FUT8: variants seen among roughly 807,000 people sequenced by gnomAD.
FUT8 encodes the protein fucosyltransferase 8.
A neutral mutation model predicts 71.3 loss-of-function variants in FUT8; 29 were observed. The ratio of observed to expected loss-of-function variants is 0.41; its 90% confidence interval spans 0.30 to 0.55. The LOEUF (loss-of-function observed/expected upper bound fraction) is 0.55. Among genes scored for constraint, FUT8 ranks in the 20% least tolerant of loss-of-function variants. The pLI is 0.34. For synonymous variants in FUT8, 254 were observed against 239.3 expected, an observed-to-expected ratio of 1.06 and a Z score of -0.57; for missense variants, 544 against 702.1, an observed-to-expected ratio of 0.77 and a Z score of 2.55.
chr14:65,637,941 A>G (rs1417246559), intron 6 of FUT8, among the ~76,000 whole-genome samples: 1 of 152,108 alleles, frequency 6.6e-6, no homozygotes, highest in African/African-American at 2.4e-5. Flanking sequence ...TCTTGGTATT[A>G]CTCATGAGTG....
intron 2 of FUT8, among the ~76,000 whole-genome samples, chr14:65,480,789 T>C (rs1450432028): frequency 6.6e-6 from 1 of 151,988 alleles, no homozygotes; most frequent in African/African-American, 2.4e-5. Context: ...TGGGTTCAAA[T>C]GATTCTCCTA....
the FUT8 span, among the ~76,000 whole-genome samples, chr14:65,403,196 G>A: frequency 6.6e-6 from 1 of 152,102 alleles, no homozygotes; most frequent in South Asian, 2.1e-4. Context: ...CTGTTCTTAG[G>A]AGTATTATAT....
At chr14:65,381,761 A>G in the FUT8 span, among the ~76,000 whole-genome samples, 7 of 152,234 alleles carry the variant, frequency 4.6e-5, no homozygotes, top group South Asian at 1.5e-3. Context: ...TGTTCTTCCA[A>G]TAACTTCTTC....
intron 1 of FUT8, among the ~76,000 whole-genome samples, chr14:65,430,510 T>C (rs1287662810): frequency 1.3e-5 from 2 of 152,182 alleles, no homozygotes; most frequent in African/African-American, 2.4e-5. Context: ...CATATTTTCC[T>C]GGGGAATTTT....
Position 65,413,961 on chromosome 14 carries a change from A to G in FUT8, c.-326+747A>G, listed in dbSNP as rs1180775651. Among the ~76,000 whole-genome samples the G allele has an allele frequency of 1.3e-5, 2 of 152,200 alleles. No individual in the cohort carries two copies. The highest frequency in any genetic ancestry group is 4.8e-5 in the African/African-American group (2 of 41,460). ...AGTGTATTTCTTAAGTGGCAGTGTC[A>G]TGCTTAGGGTTTGTCCCGGATGAGC... is the stretch of plus-strand genomic sequence containing the variant. On this transcript the variant is annotated intron_variant, in intron 1 of 10. Transcript: ENST00000673929. The surrounding 1 kb of genome is among the most constrained non-coding windows in gnomAD (Gnocchi z 4.1).
intron 2 of FUT8, among the ~76,000 whole-genome samples, chr14:65,521,913 A>T (rs760530396): frequency 5.3e-5 from 8 of 151,538 alleles, no homozygotes; most frequent in African/African-American, 1.9e-4. Flanking sequence ...ATTTCAAGCT[A>T]CAGAGGTCTT....
chr14:65,361,288 G>A, the FUT8 span, among the ~76,000 whole-genome samples: 5 of 149,862 alleles, frequency 3.3e-5, no homozygotes, highest in Non-Finnish European at 5.9e-5. Flanking sequence ...CCTGGGAGGC[G>A]GAGGTTGTGG....
chr14:65,496,939 A>T (rs550400673), intron 2 of FUT8, among the ~76,000 whole-genome samples: 60 of 152,242 alleles, frequency 3.9e-4, no homozygotes, highest in African/African-American at 1.4e-3. Flanking sequence ...TACCCCTGTG[A>T]CATTGGGCAA....
intron 2 of FUT8, among the ~76,000 whole-genome samples, chr14:65,464,306 TAG>T (rs2066010445): frequency 7.8e-6 from 1 of 128,946 alleles, no homozygotes; most frequent in Non-Finnish European, 1.6e-5. Flanking sequence ...CATCTGCAAA[TAG>T]AGAGTTTTAT....
At chr14:65,387,727 T>C in the FUT8 span, among the ~76,000 whole-genome samples, 2 of 152,228 alleles carry the variant, frequency 1.3e-5, no homozygotes, top group African/African-American at 4.8e-5. Context: ...GGGGCAATTA[T>C]AGGTTCACCT....
At chr14:65,535,643 G>A (rs1487593742) in intron 2 of FUT8, among the ~76,000 whole-genome samples, 1 of 152,128 alleles carries the variant, frequency 6.6e-6, no homozygotes, top group African/African-American at 2.4e-5. Context: ...TGTTCCGAGA[G>A]AGTAGTTGGT....
At chr14:65,531,530 G>T (rs1015049494) in intron 2 of FUT8, among the ~76,000 whole-genome samples, 3 of 152,034 alleles carry the variant, frequency 2.0e-5, no homozygotes, top group African/African-American at 4.8e-5. Context: ...AGAGATGAGG[G>T]TCAGGGTTGT....
chr14:65,376,260 C>G, the FUT8 span, among the ~76,000 whole-genome samples: 2 of 152,090 alleles, frequency 1.3e-5, no homozygotes, highest in Non-Finnish European at 2.9e-5. Flanking sequence ...ACTAGGAAGA[C>G]AGTTGGCAGA....
intron 3 of FUT8, among the ~76,000 whole-genome samples, chr14:65,563,090 A>G (rs543521728): frequency 6.6e-6 from 1 of 152,082 alleles, no homozygotes; most frequent in Non-Finnish European, 1.5e-5. Context: ...CATTTGTACC[A>G]TTCAAGAAGA....
At chr14:65,642,602 CAAAAAAAAA>C (rs71126774) in intron 6 of FUT8, among the ~76,000 whole-genome samples, 2,531 of 95,696 alleles carry the variant, frequency 0.026, 77 homozygotes, top group African/African-American at 0.09. Context: ...GACTCCGTCT[CAAAAAAAAA>C]AAAAAAAAAA....
At chr14:65,502,656 A>G (rs1437148033) in intron 2 of FUT8, among the ~76,000 whole-genome samples, 2 of 152,234 alleles carry the variant, frequency 1.3e-5, no homozygotes, top group Non-Finnish European at 2.9e-5. Flanking sequence ...TGTAAAATAA[A>G]TAATGGTAAA....
intron 7 of FUT8, among the ~76,000 whole-genome samples, chr14:65,709,232 G>A (rs1355536453): frequency 6.6e-6 from 1 of 152,038 alleles, no homozygotes; most frequent in Non-Finnish European, 1.5e-5. Context: ...GTCTGATCTT[G>A]GCCGTTTTAT....
chr14:65,698,262 C>T (rs1385064546), intron 7 of FUT8, among the ~76,000 whole-genome samples: 2 of 152,102 alleles, frequency 1.3e-5, no homozygotes, highest in African/African-American at 4.8e-5. Flanking sequence ...AATATAGATT[C>T]TATAATGTTT....
chr14:65,534,268 A>C (rs764622465), intron 2 of FUT8, among the ~76,000 whole-genome samples: 2 of 152,044 alleles, frequency 1.3e-5, no homozygotes, highest in African/African-American at 4.8e-5. Context: ...GACTATAGGC[A>C]TGTGCTACCA....
Sources: allele counts gnomAD v4.1 joint callset (sites outside exome capture counted in the v4.1 genomes callset), GRCh38; gene constraint gnomAD v4.1.1; non-coding constraint Gnocchi (gnomAD v3.1); transcripts MANE v1.5; gene names NCBI Gene and HGNC (gene_info 2026-07-23, HGNC 2026-07-21).